The following EIF4G3 variants were observed in gnomAD, a reference collection of about 807,000 sequenced individuals.
EIF4G3 encodes the protein eIF-4-gamma 3.
A neutral mutation model predicts 186.4 loss-of-function variants in EIF4G3; 34 were observed. That is an observed-to-expected ratio of 0.18 (90% confidence interval 0.14 to 0.24). The LOEUF (loss-of-function observed/expected upper bound fraction) is 0.24, where lower values mean the gene tolerates loss of function less well. EIF4G3 is among the 10% of genes least tolerant of loss of function. The pLI is 1.00. For missense variants in EIF4G3, 1,536 were observed against 1,948.5 expected, an observed-to-expected ratio of 0.79 and a Z score of 3.99; for synonymous variants, 673 against 679.5, an observed-to-expected ratio of 0.99 and a Z score of 0.15.
intron 2 of EIF4G3, among the ~76,000 whole-genome samples, chr1:21,160,109 A>AC (rs924317643): frequency 1.3e-5 from 2 of 148,818 alleles, no homozygotes; most frequent in African/African-American, 4.9e-5. Context: ...CTCCATCTCA[A>AC]AAAAAAAAAA....
intron 28 of EIF4G3, 74 bp from the exon 29 acceptor site, chr1:20,849,604 A>G (rs1487372852): frequency 6.4e-6 from 4 of 624,090 alleles, no homozygotes; most frequent in African/African-American, 5.7e-5. Context: ...ATGGTTGACA[A>G]TATTATGTGC....
At chr1:21,130,509 G>A (rs543605542) in intron 2 of EIF4G3, among the ~76,000 whole-genome samples, 4 of 152,068 alleles carry the variant, frequency 2.6e-5, no homozygotes, top group Middle Eastern at 3.4e-3. Flanking sequence ...GATTACAGGC[G>A]TGAGCTAGCT....
At chr1:21,024,911 AAAAG>A (rs927232604) in intron 4 of EIF4G3, among the ~76,000 whole-genome samples, 10 of 151,766 alleles carry the variant, frequency 6.6e-5, no homozygotes, top group African/African-American at 1.5e-4. Flanking sequence ...TAAAAAAAAA[AAAAG>A]AAAGTGGTGT....
At chr1:20,989,589 G>A (rs1299944637) in intron 7 of EIF4G3, among the ~76,000 whole-genome samples, 1 of 136,404 alleles carries the variant, frequency 7.3e-6, no homozygotes, top group Non-Finnish European at 1.6e-5. Flanking sequence ...AAAAAGTAGA[G>A]CCTGAAGATG....
chr1:20,873,718 T>C (rs922547226), intron 20 of EIF4G3, among the ~76,000 whole-genome samples: 2 of 116,328 alleles, frequency 1.7e-5, no homozygotes, highest in South Asian at 3.2e-4. Flanking sequence ...CTTTTTTTTT[T>C]CCTTAAAAAA....
At chr1:20,916,714 C>T (rs541490855) in intron 14 of EIF4G3, among the ~76,000 whole-genome samples, 2 of 152,126 alleles carry the variant, frequency 1.3e-5, no homozygotes, top group South Asian at 4.2e-4. Context: ...AGACTTATTA[C>T]AAAGCTTCTT....
At chr1:20,820,133 C>T (rs1479845232) in intron 33 of EIF4G3, among the ~76,000 whole-genome samples, 1 of 152,254 alleles carries the variant, frequency 6.6e-6, no homozygotes, top group South Asian at 2.1e-4. Flanking sequence ...AGGAGCCCTG[C>T]CCTCCCACCC....
chr1:20,979,756 C>CTTT (rs11370570), intron 10 of EIF4G3, among the ~76,000 whole-genome samples: 1 of 144,008 alleles, frequency 6.9e-6, no homozygotes, highest in Admixed American at 6.9e-5. Flanking sequence ...ACTTTTCTGT[C>CTTT]TTTTTTTTTT....
chr1:21,064,521 G>C (rs1466358323), intron 3 of EIF4G3: 1 of 152,156 alleles, frequency 6.6e-6, no homozygotes, highest in Non-Finnish European at 1.5e-5. Flanking sequence ...GTAAAGGGAG[G>C]AAGCCAAGAT....
intron 2 of EIF4G3, among the ~76,000 whole-genome samples, chr1:21,105,675 A>G (rs1434836828): frequency 6.6e-6 from 1 of 152,244 alleles, no homozygotes; most frequent in African/African-American, 2.4e-5. Flanking sequence ...GAGTAATACA[A>G]ATAAGCCCAT....
At chr1:21,125,525 C>A (rs1335960738) in intron 2 of EIF4G3, among the ~76,000 whole-genome samples, 6 of 151,928 alleles carry the variant, frequency 3.9e-5, no homozygotes, top group Non-Finnish European at 8.8e-5. Flanking sequence ...TCGAGACCAG[C>A]CTGGCCAACA....
intron 3 of EIF4G3, among the ~76,000 whole-genome samples, chr1:21,053,965 G>C (rs938768232): frequency 6.6e-6 from 1 of 152,156 alleles, no homozygotes; most frequent in African/African-American, 2.4e-5. Context: ...CCGTCTGGGA[G>C]GTGTACTCAA....
At position 20,886,257 on chromosome 1, in the gene EIF4G3, T is replaced by G. The variant is rs1188492027; in HGVS notation, c.2368A>C (p.Lys790Gln). The change falls in exon 19 of 37, where the codon AAG (lysine) becomes CAG (glutamine). Residue 790 changes from lysine to glutamine, a missense_variant. Around this residue, in one of 11 missense-constraint regions of EIF4G3, gnomAD observed 139 missense variants for 192.8 expected, o/e 0.72. Coordinates refer to ENST00000602326, the MANE Select transcript of EIF4G3 (RefSeq NM_001391906.1). ...TGGCTGTCTCGTTTTTGGCTTGGCT[T>G]CCAGGCATTTTCTGCCTTTTTCAGG... is the stretch of plus-strand genomic sequence containing the variant. ...VHLKKAENAWKPSQKRDSQAD... is the reference protein window; with the variant it reads ...VHLKKAENAWQPSQKRDSQAD... The G allele has an allele frequency of 6.2e-7, 1 of 1,614,112 alleles. No homozygotes were observed. Among genetic ancestry groups the G allele is most frequent in the Non-Finnish European group, 8.5e-7 (1 of 1,179,970 alleles).
chr1:21,003,637 A>G (rs1402767779), intron 4 of EIF4G3: 1 of 341,498 alleles, frequency 2.9e-6, no homozygotes, highest in Non-Finnish European at 5.7e-6. Flanking sequence ...ACAATGAAAC[A>G]AAACTGACAG....
intron 12 of EIF4G3, among the ~76,000 whole-genome samples, chr1:20,960,941 C>T (rs1323979530): frequency 1.3e-5 from 2 of 152,170 alleles, no homozygotes; most frequent in African/African-American, 4.8e-5. Flanking sequence ...ACGTGTACAA[C>T]AGATAATTCA....
At chr1:20,909,253 C>T (rs2092793792) in intron 14 of EIF4G3, among the ~76,000 whole-genome samples, 2 of 152,106 alleles carry the variant, frequency 1.3e-5, no homozygotes, top group Admixed American at 6.5e-5. Flanking sequence ...GGATATAATG[C>T]ATCCTGAGGA....
chr1:21,010,095 C>A (rs532173240), intron 4 of EIF4G3, among the ~76,000 whole-genome samples: 15 of 152,020 alleles, frequency 9.9e-5, no homozygotes, highest in Admixed American at 3.9e-4. Flanking sequence ...ACTGATGAAA[C>A]TGAAAAAATA....
Position 20,895,383 on chromosome 1 carries a change from A to G in EIF4G3, c.2118T>C (p.Asp706=). ...QKPEGLPPIS[D]VVLDKINQPK... ...CGCAGCTTACCTTGTCAAGAACCAC[A>G]TCACTGATAGGAGGCAGGCCCTCTG... Residue 706 remains aspartate, a synonymous_variant, in exon 17 of 37, where the codon GAT becomes GAC. Coordinates refer to ENST00000602326, the MANE Select transcript of EIF4G3 (RefSeq NM_001391906.1). 1 of 1,613,844 alleles carries G rather than the reference A, an allele frequency of 6.2e-7. No individual in the cohort carries two copies. The highest frequency in any genetic ancestry group is 8.5e-7 in the Non-Finnish European group (1 of 1,179,784).
chr1:20,820,544 C>G (rs1047783758), intron 33 of EIF4G3, among the ~76,000 whole-genome samples: 1 of 152,198 alleles, frequency 6.6e-6, no homozygotes, highest in African/African-American at 2.4e-5. Context: ...AGGCCCCACC[C>G]TCAGGCCAGG....
Sources: gnomAD v4.1 joint callset for allele counts (sites outside exome capture counted in the v4.1 genomes callset) on GRCh38, gnomAD v4.1.1 for gene constraint, gnomAD v4.1.1 regional missense constraint, MANE v1.5 for transcripts, NCBI Gene and HGNC (gene_info 2026-07-23, HGNC 2026-07-21) for gene names.